The following PHTF1 variants were observed in gnomAD, a reference collection of about 807,000 sequenced individuals.
The protein encoded by PHTF1 is protein PHTF1.
PHTF1 carries 88 observed loss-of-function variants against 102.4 expected under a neutral mutation model. The observed-to-expected ratio is 0.86, with a 90% confidence interval of 0.72 to 1.03. PHTF1 has a LOEUF of 1.03. Among genes scored for constraint, PHTF1 ranks in the 50% least tolerant of loss-of-function variants. The pLI, the probability that PHTF1 is intolerant of heterozygous loss-of-function variation, is 0.00. For synonymous variants in PHTF1, 289 were observed against 305.2 expected, an observed-to-expected ratio of 0.95 and a Z score of 0.55; for missense variants, 814 against 909.5, an observed-to-expected ratio of 0.89 and a Z score of 1.35.
intron 5 of PHTF1, among the ~76,000 whole-genome samples, chr1:113,730,097 A>C (rs1654417832): frequency 6.6e-6 from 1 of 152,134 alleles, no homozygotes; most frequent in South Asian, 2.1e-4. Flanking sequence ...TGCCTGGGGG[A>C]CCCAAAACTA....
At chr1:113,698,830 A>C in intron 17 of PHTF1, 1 of 171,906 alleles carries the variant, frequency 5.8e-6, no homozygotes, top group Non-Finnish European at 1.2e-5. Flanking sequence ...ACATTAATTA[A>C]TGTATTTAAA....
At chr1:113,743,691 G>T (rs1009387484) in intron 3 of PHTF1, among the ~76,000 whole-genome samples, 7 of 152,092 alleles carry the variant, frequency 4.6e-5, no homozygotes, top group African/African-American at 1.7e-4. Context: ...CTTTAGGATG[G>T]CTACAAAATC....
chr1:113,752,169 C>A (rs909726987), intron 3 of PHTF1, among the ~76,000 whole-genome samples: 4 of 152,008 alleles, frequency 2.6e-5, no homozygotes, highest in Non-Finnish European at 4.4e-5. Flanking sequence ...TTTATTTAGA[C>A]CTTCTTTAAT....
intron 17 of PHTF1, among the ~76,000 whole-genome samples, chr1:113,698,620 T>TATAC (rs1261835182): frequency 1.8e-4 from 9 of 49,758 alleles, no homozygotes; most frequent in East Asian, 3.5e-4. Flanking sequence ...TATATATATA[T>TATAC]ACACACACAC....
At chr1:113,714,966 G>A (rs1273688372) in intron 7 of PHTF1, 1 of 152,294 alleles carries the variant, frequency 6.6e-6, no homozygotes, top group African/African-American at 2.4e-5. Context: ...AGTTAGGGAA[G>A]AGAACAAGAG....
At chr1:113,703,037 C>T (rs1464624692) in intron 15 of PHTF1, among the ~76,000 whole-genome samples, 1 of 152,156 alleles carries the variant, frequency 6.6e-6, no homozygotes, top group Non-Finnish European at 1.5e-5. Context: ...TGGATGTACC[C>T]AGTTACACAT....
At chr1:113,710,150 A>G (rs1650825938) in intron 11 of PHTF1, 104 bp downstream of exon 11, 2 of 798,054 alleles carry the variant, frequency 2.5e-6, no homozygotes, top group African/African-American at 1.7e-5. Context: ...TAATAATAGT[A>G]TCTACCCTAC....
chr1:113,699,876 A>G (rs1239997120), intron 16 of PHTF1, 77 bp from the exon 17 acceptor site: 2 of 716,494 alleles, frequency 2.8e-6, no homozygotes, highest in African/African-American at 3.6e-5. Context: ...GCATATTTCA[A>G]AGGTCATGTT....
At chr1:113,743,582 C>A (rs1339916977) in intron 3 of PHTF1, among the ~76,000 whole-genome samples, 1 of 151,922 alleles carries the variant, frequency 6.6e-6, no homozygotes, top group Non-Finnish European at 1.5e-5. Flanking sequence ...TGTTAGATAC[C>A]GTACATAACT....
At chr1:113,700,112 C>A in intron 16 of PHTF1, 3 of 1,030,972 alleles carry the variant, frequency 2.9e-6, no homozygotes, top group Non-Finnish European at 3.5e-6. Flanking sequence ...AAACCTCTAT[C>A]TTATTCATCT....
chr1:113,711,932 G>C lies in PHTF1; in HGVS notation c.957+8C>G, dbSNP rs745511030. Reference sequence around the variant, plus strand: ...TCCTATACTTTCATAAACTAAAATAGAAATTACCTGAGAGTTTAGGTGCCT... The same window carrying C: ...TCCTATACTTTCATAAACTAAAATACAAATTACCTGAGAGTTTAGGTGCCT... On this transcript the variant is annotated splice_region_variant and intron_variant, in intron 9 of 18. Coordinates refer to ENST00000369604, the MANE Select transcript of PHTF1 (RefSeq NM_001323043.2). 20 of 1,611,244 alleles carry C rather than the reference G, an allele frequency of 1.2e-5. No homozygotes were observed. The highest frequency in any genetic ancestry group is 1.5e-5 in the Non-Finnish European group (18 of 1,177,608).
chr1:113,701,005 T>C lies in PHTF1; in HGVS notation c.1891-56A>G, dbSNP rs1420721586. 5.0e-6 allele frequency: 6 copies of C among 1,207,062 alleles called. No individual in the cohort carries two copies. In the African/African-American group the frequency reaches 9.2e-5, roughly 19 times the overall value. The allele number at this position is 1,207,062 out of a possible 1,614,324, so 74.8% of individuals were successfully genotyped here. On this transcript the variant is annotated intron_variant, in intron 15 of 18. Transcript: ENST00000369604. ...TTTCATTTACCTTAAAATCATGTAATTACTCTTTTACTCTGTCAATTTAAG... is the reference window on the plus strand; with the variant it reads ...TTTCATTTACCTTAAAATCATGTAACTACTCTTTTACTCTGTCAATTTAAG...
intron 3 of PHTF1, among the ~76,000 whole-genome samples, chr1:113,750,377 CTG>C (rs1234263839): frequency 2.0e-5 from 3 of 152,180 alleles, no homozygotes; most frequent in African/African-American, 7.2e-5. Context: ...GAAGTAGTCT[CTG>C]TGCTTCTGAT....
chr1:113,751,252 T>C (rs1182892883), intron 3 of PHTF1, among the ~76,000 whole-genome samples: 3 of 152,264 alleles, frequency 2.0e-5, no homozygotes, highest in African/African-American at 4.8e-5. Context: ...TTACATACTA[T>C]TAAACTAAAC....
intron 8 of PHTF1, among the ~76,000 whole-genome samples, chr1:113,712,650 A>G (rs1270488168): frequency 6.6e-6 from 1 of 152,242 alleles, no homozygotes; most frequent in East Asian, 1.9e-4. Context: ...GACCATGTCT[A>G]CTTAAACCTA....
At chr1:113,736,139 G>A (rs1445015652) in intron 5 of PHTF1, among the ~76,000 whole-genome samples, 5 of 151,008 alleles carry the variant, frequency 3.3e-5, no homozygotes, top group East Asian at 2.0e-4. Context: ...TCAGGAGATC[G>A]AGACCATCCT....
intron 7 of PHTF1, among the ~76,000 whole-genome samples, chr1:113,720,573 T>C (rs999147310): frequency 6.6e-6 from 1 of 152,106 alleles, no homozygotes; most frequent in Non-Finnish European, 1.5e-5. Flanking sequence ...TTCCAGAAAA[T>C]TAAAATGATA....
At chr1:113,704,028 G>A (rs1318675417) in intron 15 of PHTF1, 53 bp downstream of exon 15, 3 of 1,136,652 alleles carry the variant, frequency 2.6e-6, no homozygotes, top group Non-Finnish European at 2.6e-6. Flanking sequence ...AACAGAAAGT[G>A]AACTCTATAA....
Position 113,712,038 on chromosome 1 carries a change from T to A in PHTF1, c.859A>T (p.Met287Leu). 1 of 1,613,962 alleles carries A rather than the reference T, an allele frequency of 6.2e-7. No individual in the cohort carries two copies. The highest frequency in any genetic ancestry group is 8.5e-7 in the Non-Finnish European group (1 of 1,179,840). ...TCCACACTCCTACGCAATAATATCA[T>A]CTGTGTCCGTGCTTCACCATCTTCT... ...SEEDGEARTQ[M>L]ILLRRSVEGA... Residue 287 changes from methionine to leucine, a missense_variant, in exon 9 of 19, where the codon ATG becomes TTG. Transcript: ENST00000369604.
Sources: gnomAD v4.1 joint callset for allele counts (sites outside exome capture counted in the v4.1 genomes callset) on GRCh38, gnomAD v4.1.1 for gene constraint, MANE v1.5 for transcripts, NCBI Gene and HGNC (gene_info 2026-07-23, HGNC 2026-07-21) for gene names.